The following CTNNA3 variants were observed in gnomAD, a reference collection of about 807,000 sequenced individuals.
CTNNA3 encodes catenin alpha 3, also known as catenin alpha-3.
In CTNNA3, 76 loss-of-function variants were observed where a neutral mutation model predicts 95.7. The observed-to-expected ratio is 0.79, with a 90% CI of 0.66 to 0.96. CTNNA3 has a LOEUF of 0.96. CTNNA3 is among the 40% of genes least tolerant of loss of function. CTNNA3 has a pLI of 0.00. For synonymous variants in CTNNA3, 431 were observed against 374.4 expected (o/e 1.15, Z -1.74); for missense variants, 1,191 against 1,089.8 (o/e 1.09, Z -1.31).
At chr10:67,141,927 C>A (rs981824431) in intron 7 of CTNNA3, among the ~76,000 whole-genome samples, 12 of 151,822 alleles carry the variant, frequency 7.9e-5, no homozygotes, top group Non-Finnish European at 1.6e-4. Context: ...TAATAAACAG[C>A]TGCATAGTTG....
chr10:66,574,676 A>T (rs1202307960), intron 10 of CTNNA3, among the ~76,000 whole-genome samples: 1 of 152,122 alleles, frequency 6.6e-6, no homozygotes, highest in Non-Finnish European at 1.5e-5. Context: ...TAATCTGAGT[A>T]TTAAAGTACA....
rs74142809 is a variant in CTNNA3, at chr10:67,466,398, G to A, written c.579+55444C>T. Among the ~76,000 whole-genome samples the A allele has an allele frequency of 2.4e-3, 365 of 152,266 alleles. 3 individuals are homozygous for A. The highest frequency in any genetic ancestry group is 8.4e-3 in the African/African-American group (351 of 41,576). ...TCAAATAATCAAATACAACAATGAA[G>A]TAGCAATACTGTGGTATAATCAATT... On this transcript the variant is annotated intron_variant, in intron 5 of 17. Transcript: ENST00000433211.
rs573983633 is a variant in CTNNA3, at chr10:66,368,594, G to A, written c.1732+10558C>T. ...GAAAAGACAAAACAAAACATTGTTAGTACCTTGACTCAAAGTTATTTGATT... is the reference window on the plus strand; with the variant it reads ...GAAAAGACAAAACAAAACATTGTTAATACCTTGACTCAAAGTTATTTGATT... On this transcript the variant is annotated intron_variant, in intron 12 of 17. Transcript: ENST00000433211. 1.3e-3 allele frequency among the ~76,000 whole-genome samples: 198 copies of A among 152,174 alleles called. 2 individuals are homozygous for A. The highest frequency in any genetic ancestry group is 4.3e-3 in the African/African-American group (180 of 41,548).
At chr10:66,757,989 C>T (rs1296523833) in intron 9 of CTNNA3, among the ~76,000 whole-genome samples, 1 of 152,080 alleles carries the variant, frequency 6.6e-6, no homozygotes, top group Admixed American at 6.6e-5. Context: ...ATGATTTTGG[C>T]ACAGATTACT....
intron 13 of CTNNA3, among the ~76,000 whole-genome samples, chr10:66,169,595 C>T (rs762932896): frequency 1.3e-5 from 2 of 152,188 alleles, no homozygotes; most frequent in Non-Finnish European, 2.9e-5. Flanking sequence ...TAAGGAACCT[C>T]CACACTGTTT....
At position 67,036,230 on chromosome 10, in the gene CTNNA3, G is replaced by A. The variant is rs935941572; in HGVS notation, c.1047+144087C>T. Among the ~76,000 whole-genome samples the A allele has an allele frequency of 4.0e-5, 6 of 151,550 alleles. No individual in the cohort carries two copies. The South Asian group carries it at 6.3e-4, about 16-fold the overall frequency. ...TACAGTGGCATGACCATGGCTCACT[G>A]CAACCTCAACCTCCTGGGCTCAAGA... On this transcript the variant is annotated intron_variant, in intron 7 of 17. Coordinates refer to ENST00000433211, the MANE Select transcript of CTNNA3 (RefSeq NM_013266.4).
At chr10:66,801,295 G>T (rs972831218) in intron 7 of CTNNA3, among the ~76,000 whole-genome samples, 2 of 151,134 alleles carry the variant, frequency 1.3e-5, no homozygotes, top group African/African-American at 2.4e-5. Flanking sequence ...CAGGCTACAA[G>T]TTCAACAATA....
chr10:67,290,846 G>A (rs545585078), intron 5 of CTNNA3, among the ~76,000 whole-genome samples: 13 of 152,154 alleles, frequency 8.5e-5, no homozygotes, highest in Non-Finnish European at 1.9e-4. Context: ...GCAACCCCTC[G>A]CAGCTATACA....
intron 7 of CTNNA3, among the ~76,000 whole-genome samples, chr10:67,007,754 A>G (rs1055048666): frequency 2.6e-5 from 4 of 152,002 alleles, no homozygotes; most frequent in African/African-American, 7.2e-5. Flanking sequence ...ATATATTAAT[A>G]AAAATAGTAT....
intron 7 of CTNNA3, among the ~76,000 whole-genome samples, chr10:66,889,744 A>G (rs1386940313): frequency 1.7e-4 from 26 of 152,002 alleles, no homozygotes; most frequent in Admixed American, 1.4e-3. Context: ...TGGCTTGAGA[A>G]GAAGAAAAGC....
rs192748045 is a variant in CTNNA3, at chr10:66,763,764, T to C, written c.1281+2500A>G. ...ATCTCAGAACCCAACCACCATGCTG[T>C]GAAAAGCTGAAGCTACATGAAGAAG... On this transcript the variant is annotated intron_variant, in intron 9 of 17. Coordinates refer to ENST00000433211, the MANE Select transcript of CTNNA3 (RefSeq NM_013266.4). Among the ~76,000 whole-genome samples, 138 of 152,268 alleles carry C rather than the reference T, an allele frequency of 9.1e-4. 3 individuals are homozygous for C. The East Asian group carries it at 0.023, about 25-fold the overall frequency.
At chr10:67,707,962 C>T (rs1213238975) in intron 1 of CTNNA3, among the ~76,000 whole-genome samples, 1 of 152,128 alleles carries the variant, frequency 6.6e-6, no homozygotes, top group African/African-American at 2.4e-5. Context: ...ATAGTTACCA[C>T]CTAATTTCTC....
intron 5 of CTNNA3, among the ~76,000 whole-genome samples, chr10:67,337,821 T>C (rs1417204349): frequency 1.3e-5 from 2 of 152,218 alleles, no homozygotes; most frequent in African/African-American, 2.4e-5. Context: ...CAATAAAGTA[T>C]TTTTAAATTA....
intron 13 of CTNNA3, among the ~76,000 whole-genome samples, chr10:66,267,668 T>C (rs569648006): frequency 6.9e-4 from 105 of 152,298 alleles, no homozygotes; most frequent in African/African-American, 2.4e-3. Context: ...CTGTACAGGA[T>C]AGAAAATTAC....
chr10:66,565,603 G>A (rs1482371305), intron 10 of CTNNA3, among the ~76,000 whole-genome samples: 1 of 152,198 alleles, frequency 6.6e-6, no homozygotes, highest in Non-Finnish European at 1.5e-5. Flanking sequence ...ACAGCAGGTT[G>A]AAGGATGGCA....
At position 66,343,421 on chromosome 10, in the gene CTNNA3, C is replaced by T. The variant is rs546876633; in HGVS notation, c.1732+35731G>A. Among the ~76,000 whole-genome samples, 97 of 151,918 alleles carry T rather than the reference C, an allele frequency of 6.4e-4. 1 individual carries two copies. The highest frequency in any genetic ancestry group is 1.0e-3 in the Non-Finnish European group (71 of 67,924). On this transcript the variant is annotated intron_variant, in intron 12 of 17. Transcript: ENST00000433211. The stretch of plus-strand genomic sequence containing the variant: ...AAAAAGAATGAAATCCTGTCTTTCA[C>T]AGTGGATAGAATTGGAGGATTAGGA...
intron 12 of CTNNA3, among the ~76,000 whole-genome samples, chr10:66,360,654 T>C (rs867181677): frequency 0.024 from 1,420 of 59,278 alleles, 39 homozygotes; most frequent in African/African-American, 0.088. Flanking sequence ...TTTCTTTCTT[T>C]CTTTCTTCCT....
At chr10:66,534,155 G>A (rs971533538) in intron 10 of CTNNA3, among the ~76,000 whole-genome samples, 1 of 152,034 alleles carries the variant, frequency 6.6e-6, no homozygotes, top group African/African-American at 2.4e-5. Context: ...TTTCCCCCAT[G>A]GAACTGTTAT....
intron 14 of CTNNA3, among the ~76,000 whole-genome samples, chr10:66,076,814 A>G (rs538477148): frequency 5.9e-5 from 9 of 151,874 alleles, no homozygotes; most frequent in African/African-American, 2.2e-4. Flanking sequence ...CCATTTAAAT[A>G]ATAATATGAT....
Sources: gnomAD v4.1 joint callset for allele counts (sites outside exome capture counted in the v4.1 genomes callset) on GRCh38, gnomAD v4.1.1 for gene constraint, MANE v1.5 for transcripts, NCBI Gene and HGNC (gene_info 2026-07-23, HGNC 2026-07-21) for gene names.